LPP: variants seen among roughly 807,000 people sequenced by gnomAD.
The protein encoded by LPP is lipoma-preferred partner.
Under a neutral mutation model 60.4 loss-of-function variants are expected in LPP, and 38 were observed. The observed-to-expected ratio is 0.63, with a 90% CI of 0.49 to 0.83. The LOEUF is 0.83. Among genes scored for constraint, LPP ranks in the 40% least tolerant of loss-of-function variants. The pLI is 0.00. For missense variants in LPP, 902 were observed against 783.6 expected, an observed-to-expected ratio of 1.15 and a Z score of -1.80; for synonymous variants, 328 against 290.8, an observed-to-expected ratio of 1.13 and a Z score of -1.30.
Position 188,888,984 on chromosome 3 carries a change from C to T in LPP, c.*14505C>T, listed in dbSNP as rs988618458. ...AGATGTTTAAGAGAATTAATAGAGCCGTAGTCTGTATTAGGATGTGTGTCA... is the reference window on the plus strand; with the variant it reads ...AGATGTTTAAGAGAATTAATAGAGCTGTAGTCTGTATTAGGATGTGTGTCA... On this transcript the variant is annotated 3_prime_UTR_variant, in exon 12 of 12. Coordinates refer to ENST00000617246, the MANE Select transcript of LPP (RefSeq NM_001375462.1). The T allele has an allele frequency of 4.6e-6, 1 of 218,840 alleles. No homozygotes were observed. Among genetic ancestry groups the T allele is most frequent in the Non-Finnish European group, 9.2e-6 (1 of 108,998 alleles). The allele number at this position is 218,840 out of a possible 1,614,324, so 13.6% of individuals were successfully genotyped here. A position where few individuals can be genotyped will look rare whatever the true frequency, so the allele number is the denominator to read the frequency against.
At chr3:188,653,599 T>A (rs985184230) in intron 7 of LPP, among the ~76,000 whole-genome samples, 1 of 152,154 alleles carries the variant, frequency 6.6e-6, no homozygotes, top group Non-Finnish European at 1.5e-5. Flanking sequence ...TAATTGAAAG[T>A]CTGCAAAAAT....
chr3:188,648,622 C>T (rs73196711), intron 7 of LPP, among the ~76,000 whole-genome samples: 15,890 of 152,126 alleles, frequency 0.1, 1,042 homozygotes, highest in Non-Finnish European at 0.15. Flanking sequence ...CTCTATCTAG[C>T]CTTCATACTT....
intron 7 of LPP, among the ~76,000 whole-genome samples, chr3:188,703,647 C>T (rs1442880843): frequency 6.6e-6 from 1 of 152,076 alleles, no homozygotes; most frequent in African/African-American, 2.4e-5. Context: ...AAGAAAAAAA[C>T]AGGAATCCAT....
At chr3:188,410,940 T>A (rs1303385745) in intron 4 of LPP, among the ~76,000 whole-genome samples, 1 of 152,174 alleles carries the variant, frequency 6.6e-6, no homozygotes, top group East Asian at 1.9e-4. Context: ...TGCCTTTGCA[T>A]CCTCATAGCT....
intron 7 of LPP, among the ~76,000 whole-genome samples, chr3:188,627,575 CA>C (rs1159110063): frequency 6.6e-6 from 1 of 152,116 alleles, no homozygotes; most frequent in Admixed American, 6.6e-5. Context: ...ATAAAGGGTT[CA>C]ATTCAACAAG....
At chr3:188,345,454 T>C (rs1764082011) in intron 3 of LPP, among the ~76,000 whole-genome samples, 1 of 152,264 alleles carries the variant, frequency 6.6e-6, no homozygotes, top group Non-Finnish European at 1.5e-5. Flanking sequence ...CAGTGAATTA[T>C]AGGAATCTGA....
At chr3:188,297,939 C>A (rs1176959160) in intron 2 of LPP, among the ~76,000 whole-genome samples, 2 of 152,080 alleles carry the variant, frequency 1.3e-5, no homozygotes, top group Non-Finnish European at 2.9e-5. Flanking sequence ...AATTGGGAGC[C>A]TATGACAAAT....
At position 188,217,980 on chromosome 3, in the gene LPP, C is replaced by T. The variant is rs1046518086; in HGVS notation, c.-189-7425C>T. On this transcript the variant is annotated intron_variant, in intron 1 of 11. Coordinates refer to ENST00000617246, the MANE Select transcript of LPP (RefSeq NM_001375462.1). The surrounding 1 kb of genome is among the most constrained non-coding windows in gnomAD (Gnocchi z 4.0). The stretch of plus-strand genomic sequence containing the variant: ...ATTCTTTCCCACCAAGAATGAGGAA[C>T]GTTCAGAGTGATGCTGACTTTATGG... Among the ~76,000 whole-genome samples, 3 of 152,154 alleles carry T rather than the reference C, an allele frequency of 2.0e-5. No homozygotes were observed. Among genetic ancestry groups the T allele is most frequent in the Admixed American group, 6.5e-5 (1 of 15,276 alleles).
chr3:188,169,885 A>G (rs555666644), intron 1 of LPP, among the ~76,000 whole-genome samples: 1 of 152,272 alleles, frequency 6.6e-6, no homozygotes, highest in Admixed American at 6.5e-5. Context: ...GTGCACATAG[A>G]GTGGGTGATT....
chr3:188,161,431 A>G (rs546045628), intron 1 of LPP, among the ~76,000 whole-genome samples: 1 of 152,338 alleles, frequency 6.6e-6, no homozygotes, highest in South Asian at 2.1e-4. Context: ...ATTGTTTGAC[A>G]GCTTATCCAT....
intron 1 of LPP, among the ~76,000 whole-genome samples, chr3:188,184,561 G>C (rs1463519830): frequency 6.6e-6 from 1 of 152,088 alleles, no homozygotes; most frequent in South Asian, 2.1e-4. Flanking sequence ...AGGTGGTATC[G>C]GGTCACCATA....
chr3:188,472,952 G>A (rs980153212), intron 4 of LPP: 1 of 152,180 alleles, frequency 6.6e-6, no homozygotes, highest in African/African-American at 2.4e-5. Flanking sequence ...GCTGTGGTCA[G>A]TGTGTCCTTA....
At chr3:188,678,512 A>C (rs1858644922) in intron 7 of LPP, among the ~76,000 whole-genome samples, 2 of 152,228 alleles carry the variant, frequency 1.3e-5, no homozygotes, top group Admixed American at 6.5e-5. Flanking sequence ...AAAATCTGTG[A>C]AGGTTTTTAG....
At chr3:188,671,771 C>G (rs1857001574) in intron 7 of LPP, among the ~76,000 whole-genome samples, 1 of 152,124 alleles carries the variant, frequency 6.6e-6, no homozygotes, top group Non-Finnish European at 1.5e-5. Context: ...AGACAAATTA[C>G]TATACTAGGC....
At chr3:188,479,526 T>C (rs1370463690) in intron 4 of LPP, among the ~76,000 whole-genome samples, 1 of 152,172 alleles carries the variant, frequency 6.6e-6, no homozygotes, top group African/African-American at 2.4e-5. Flanking sequence ...AGGAATTGAA[T>C]GGGTTTTTAT....
chr3:188,592,442 C>G (rs1303925581), intron 6 of LPP, among the ~76,000 whole-genome samples: 1 of 151,610 alleles, frequency 6.6e-6, no homozygotes, highest in African/African-American at 2.4e-5. Context: ...AATAAAGTTA[C>G]CAAAACAGTT....
At chr3:188,644,599 T>G (rs1850763568) in intron 7 of LPP, among the ~76,000 whole-genome samples, 1 of 152,194 alleles carries the variant, frequency 6.6e-6, no homozygotes, top group East Asian at 1.9e-4. Context: ...CTGAAATTCA[T>G]CTATTATTTA....
intron 6 of LPP, among the ~76,000 whole-genome samples, chr3:188,599,751 GGTGTGT>G (rs71169011): frequency 2.9e-4 from 41 of 139,906 alleles, no homozygotes; most frequent in East Asian, 1.3e-3. Flanking sequence ...ACTCGTTAGG[GGTGTGT>G]GTGTGTGTGT....
chr3:188,543,248 G>T (rs531508375), intron 6 of LPP, among the ~76,000 whole-genome samples: 61 of 152,214 alleles, frequency 4.0e-4, no homozygotes, highest in Middle Eastern at 3.4e-3. Flanking sequence ...TATTTTTAGT[G>T]AGTCTTTCCC....
Sources: gnomAD v4.1 joint callset for allele counts (sites outside exome capture counted in the v4.1 genomes callset) on GRCh38, gnomAD v4.1.1 for gene constraint, Gnocchi (gnomAD v3.1) non-coding constraint, MANE v1.5 for transcripts, NCBI Gene and HGNC (gene_info 2026-07-23, HGNC 2026-07-21) for gene names.